COL23A1: variants seen among roughly 807,000 people sequenced by gnomAD.
The protein encoded by COL23A1 is collagen alpha-1(XXIII) chain.
A neutral mutation model predicts 99.3 loss-of-function variants in COL23A1; 97 were observed. The observed-to-expected ratio is 0.98, with a 90% CI of 0.83 to 1.16. The LOEUF is 1.16. Ranked by LOEUF, COL23A1 falls within the 50% of genes most tolerant of loss-of-function variation. The pLI is 0.00. For missense variants in COL23A1, 762 were observed against 757.4 expected (o/e 1.01, Z -0.07); for synonymous variants, 320 against 308.2 (o/e 1.04, Z -0.40).
chr5:178,311,484 C>CTGTGTGTGTG (rs1006253790), intron 2 of COL23A1, among the ~76,000 whole-genome samples: 29 of 58,184 alleles, frequency 5.0e-4, no homozygotes, highest in African/African-American at 1.6e-3. Flanking sequence ...GTTCTTTCCT[C>CTGTGTGTGTG]TGTGTGTGTG....
intron 2 of COL23A1, among the ~76,000 whole-genome samples, chr5:178,349,831 C>G (rs1761216355): frequency 6.6e-6 from 1 of 151,342 alleles, no homozygotes; most frequent in Admixed American, 6.6e-5. Flanking sequence ...TGGGTGTGAT[C>G]TAGAGGAGGC....
At chr5:178,374,942 A>C (rs1400344691) in intron 2 of COL23A1, among the ~76,000 whole-genome samples, 1 of 152,234 alleles carries the variant, frequency 6.6e-6, no homozygotes, top group Admixed American at 6.5e-5. Context: ...AAGAGAAATG[A>C]AAACATATAT....
chr5:178,332,243 C>T (rs1348674256), intron 2 of COL23A1, among the ~76,000 whole-genome samples: 1 of 152,122 alleles, frequency 6.6e-6, no homozygotes, highest in Non-Finnish European at 1.5e-5. Context: ...CAGCGCAAGC[C>T]CCACCTTCCA....
intron 2 of COL23A1, among the ~76,000 whole-genome samples, chr5:178,376,369 G>A (rs1051712371): frequency 2.6e-5 from 4 of 152,184 alleles, no homozygotes; most frequent in East Asian, 1.9e-4. Context: ...TATCATTTCC[G>A]TTTCTCAGGT....
intron 9 of COL23A1, 147 bp downstream of exon 9, chr5:178,263,061 T>G: frequency 1.4e-6 from 1 of 734,228 alleles, no homozygotes; most frequent in Non-Finnish European, 2.5e-6. Context: ...TGGAGTTAAG[T>G]TTGGGCCCAG....
In COL23A1 at chr5:178,387,816, C is replaced by T. The variant is rs1370155461; in HGVS notation, c.362-80897G>A. On this transcript the variant is annotated intron_variant, in intron 2 of 28. Coordinates refer to ENST00000390654, the MANE Select transcript of COL23A1 (RefSeq NM_173465.4). This position sits in a 1 kb window ranked among gnomAD's most constrained non-coding sequence, Gnocchi z 4.7. ...TTGCGGAGTTTCCCACTCCTCTGTC[C>T]CCCAGCTTTTATACTCAGGAAGGAA... Among the ~76,000 whole-genome samples the T allele has an allele frequency of 6.6e-6, 1 of 152,106 alleles. No individual in the cohort carries two copies. Among genetic ancestry groups the T allele is most frequent in the Non-Finnish European group, 1.5e-5 (1 of 68,016 alleles).
At chr5:178,570,003 C>T (rs1763009118) in intron 1 of COL23A1, among the ~76,000 whole-genome samples, 1 of 152,070 alleles carries the variant, frequency 6.6e-6, no homozygotes. Flanking sequence ...CCTCTCCATA[C>T]TGGAGAGGAG....
At chr5:178,484,834 A>G (rs946850696) in intron 2 of COL23A1, among the ~76,000 whole-genome samples, 1 of 151,334 alleles carries the variant, frequency 6.6e-6, no homozygotes, top group African/African-American at 2.4e-5. Context: ...AAAAAAAAAA[A>G]AAAAAAAAAG....
intron 2 of COL23A1, among the ~76,000 whole-genome samples, chr5:178,465,206 C>T (rs886475489): frequency 6.6e-5 from 10 of 152,170 alleles, no homozygotes; most frequent in African/African-American, 2.2e-4. Context: ...AAACAGGGGT[C>T]GGCCTTCCAG....
chr5:178,285,343 T>C (rs1343382818), intron 5 of COL23A1, among the ~76,000 whole-genome samples: 1 of 152,156 alleles, frequency 6.6e-6, no homozygotes, highest in Non-Finnish European at 1.5e-5. Flanking sequence ...GAGAAAAAAG[T>C]AAGTCCTCCC....
At position 178,387,374 on chromosome 5, in the gene COL23A1, C is replaced by T. The variant is rs1199248170; in HGVS notation, c.362-80455G>A. ...CCGCTCACAAGTCTCTAAGACACTGCTGGGTCAAGCCTCAGTGCGTTTGCC... is the reference window on the plus strand; with the variant it reads ...CCGCTCACAAGTCTCTAAGACACTGTTGGGTCAAGCCTCAGTGCGTTTGCC... On this transcript the variant is annotated intron_variant, in intron 2 of 28. Coordinates refer to ENST00000390654, the MANE Select transcript of COL23A1 (RefSeq NM_173465.4). This position sits in a 1 kb window ranked among gnomAD's most constrained non-coding sequence, Gnocchi z 4.7. Among the ~76,000 whole-genome samples, 1 of 152,212 alleles carries T rather than the reference C, an allele frequency of 6.6e-6. No homozygotes were observed. Among genetic ancestry groups the T allele is most frequent in the African/African-American group, 2.4e-5 (1 of 41,452 alleles).
Position 178,239,122 on chromosome 5 carries a change from AGAC to A in COL23A1, c.1620+16_1620+18del. ...CCTGCCTCTCCCAAGCCTGCCCTGG[AGAC>A]TTCCCTGCACGGTACCTTATGCCAG... is the stretch of plus-strand genomic sequence containing the variant. On this transcript the variant is annotated intron_variant, in intron 28 of 28. Coordinates refer to ENST00000390654, the MANE Select transcript of COL23A1 (RefSeq NM_173465.4). 4 of 1,610,006 alleles carry A rather than the reference AGAC, an allele frequency of 2.5e-6. No individual in the cohort carries two copies. Among genetic ancestry groups the A allele is most frequent in the Non-Finnish European group, 2.5e-6 (3 of 1,176,688 alleles).
intron 2 of COL23A1, among the ~76,000 whole-genome samples, chr5:178,484,248 TC>T (rs958010317): frequency 4.5e-4 from 68 of 152,312 alleles, no homozygotes; most frequent in African/African-American, 1.6e-3. Flanking sequence ...AAGTTTGTTT[TC>T]ATTTTTTCTG....
intron 2 of COL23A1, among the ~76,000 whole-genome samples, chr5:178,506,921 G>C (rs1194613132): frequency 1.3e-5 from 2 of 152,280 alleles, no homozygotes; most frequent in East Asian, 3.9e-4. Flanking sequence ...GTGAGGTTAA[G>C]CCATCAATTT....
In COL23A1 at chr5:178,383,880, G is replaced by GAA. The variant is rs34212112; in HGVS notation, c.362-76963_362-76962dup. ...AAAAGCAAACCTTACGACAGAAATA[G>GAA]AAAAAAAAAAAAAAGGCAGAGACGA... On this transcript the variant is annotated intron_variant, in intron 2 of 28. Transcript: ENST00000390654. Among the ~76,000 whole-genome samples the GAA allele has an allele frequency of 5.1e-4, 50 of 98,724 alleles. 1 individual carries two copies. The East Asian group carries it at 9.4e-3, about 18-fold the overall frequency. The allele number at this position is 98,724 out of a possible 152,430, so 64.8% of individuals were successfully genotyped here.
chr5:178,326,207 G>T (rs11948332), intron 2 of COL23A1, among the ~76,000 whole-genome samples: 2 of 151,972 alleles, frequency 1.3e-5, no homozygotes, highest in East Asian at 3.9e-4. Flanking sequence ...ACGTGCTCGC[G>T]GCAAGCCTGC....
At chr5:178,337,191 G>A (rs1050754052) in intron 2 of COL23A1, among the ~76,000 whole-genome samples, 8 of 152,238 alleles carry the variant, frequency 5.3e-5, no homozygotes, top group Admixed American at 5.2e-4. Context: ...AGAGGGGTCT[G>A]AGTGTGGAGC....
chr5:178,362,765 T>C (rs925404416), intron 2 of COL23A1, among the ~76,000 whole-genome samples: 2 of 152,152 alleles, frequency 1.3e-5, no homozygotes, highest in African/African-American at 4.8e-5. Context: ...TTCCTGAAGG[T>C]GAAGCCGGCA....
chr5:178,358,289 C>T (rs111066789), intron 2 of COL23A1, among the ~76,000 whole-genome samples: 95,315 of 139,552 alleles, frequency 0.68, 31,311 homozygotes, highest in South Asian at 0.74. Flanking sequence ...TATGCGTGTG[C>T]GTATATGTAT....
Sources: allele counts gnomAD v4.1 joint callset (sites outside exome capture counted in the v4.1 genomes callset), GRCh38; gene constraint gnomAD v4.1.1; non-coding constraint Gnocchi (gnomAD v3.1); transcripts MANE v1.5; gene names NCBI Gene and HGNC (gene_info 2026-07-23, HGNC 2026-07-21).